Variants in BTBD9 observed in about 807,000 individuals in gnomAD.
The protein encoded by BTBD9 is BTB domain containing 9.
Under a neutral mutation model 64.3 loss-of-function variants are expected in BTBD9, and 49 were observed. The observed-to-expected ratio is 0.76, with a 90% CI of 0.61 to 0.97. The LOEUF (loss-of-function observed/expected upper bound fraction) is 0.97, where lower values mean the gene tolerates loss of function less well. Among genes scored for constraint, BTBD9 ranks in the 50% least tolerant of loss-of-function variants. The pLI is 0.00. For missense variants in BTBD9, 598 were observed against 762.1 expected (o/e 0.78, Z 2.53); for synonymous variants, 260 against 274.7 (o/e 0.95, Z 0.53).
intron 1 of BTBD9, among the ~76,000 whole-genome samples, chr6:38,619,136 C>T (rs1242573007): frequency 6.6e-6 from 1 of 152,182 alleles, no homozygotes; most frequent in African/African-American, 2.4e-5. Context: ...AAATATACTC[C>T]TCTGTCACCT....
At chr6:38,625,874 C>T (rs182613100) in intron 1 of BTBD9, among the ~76,000 whole-genome samples, 36 of 152,324 alleles carry the variant, frequency 2.4e-4, no homozygotes, top group East Asian at 1.9e-3. Flanking sequence ...TAGTACAGTG[C>T]TTCACATGTA....
At chr6:38,198,993 G>A (rs959653510) in intron 9 of BTBD9, among the ~76,000 whole-genome samples, 3 of 152,154 alleles carry the variant, frequency 2.0e-5, no homozygotes, top group Non-Finnish European at 4.4e-5. Flanking sequence ...TGAAGGTGGA[G>A]GTGTGCAGGG....
intron 8 of BTBD9, among the ~76,000 whole-genome samples, chr6:38,268,453 C>T (rs1266618334): frequency 1.3e-5 from 2 of 152,178 alleles, no homozygotes; most frequent in African/African-American, 4.8e-5. Context: ...AGGGAAAGAA[C>T]AGAAGGGCAA....
chr6:38,261,546 C>T, intron 8 of BTBD9, among the ~76,000 whole-genome samples: 1 of 152,262 alleles, frequency 6.6e-6, no homozygotes, highest in South Asian at 2.1e-4. Context: ...TGAGCTTGAA[C>T]ATTTTACCCA....
chr6:38,312,156 C>T (rs1306529323), intron 7 of BTBD9, among the ~76,000 whole-genome samples: 2 of 151,642 alleles, frequency 1.3e-5, no homozygotes, highest in East Asian at 3.9e-4. Context: ...CCACCATGCC[C>T]GGCCAACCTG....
intron 8 of BTBD9, among the ~76,000 whole-genome samples, chr6:38,276,017 T>G (rs944924905): frequency 6.6e-6 from 1 of 152,180 alleles, no homozygotes; most frequent in African/African-American, 2.4e-5. Context: ...CAAAGGACTA[T>G]TAAATCATGC....
At chr6:38,286,784 A>T (rs1018680843) in intron 8 of BTBD9, among the ~76,000 whole-genome samples, 4 of 152,084 alleles carry the variant, frequency 2.6e-5, no homozygotes, top group South Asian at 2.1e-4. Flanking sequence ...TTACTTTATT[A>T]AAAAAATTTA....
intron 6 of BTBD9, among the ~76,000 whole-genome samples, chr6:38,501,349 T>A (rs1026587856): frequency 2.0e-5 from 3 of 152,156 alleles, no homozygotes; most frequent in Admixed American, 2.0e-4. Context: ...GTAGGTATAA[T>A]ACAAATATTC....
chr6:38,473,366 T>A (rs776845017), intron 6 of BTBD9, among the ~76,000 whole-genome samples: 1 of 152,248 alleles, frequency 6.6e-6, no homozygotes, highest in African/African-American at 2.4e-5. Context: ...AGATTGGTAC[T>A]GGCATGCTGA....
At chr6:38,479,213 A>G (rs1239115338) in intron 6 of BTBD9, among the ~76,000 whole-genome samples, 2 of 152,110 alleles carry the variant, frequency 1.3e-5, no homozygotes, top group Non-Finnish European at 2.9e-5. Flanking sequence ...CAGGCGCCCA[A>G]TGTGGAGCAC....
At chr6:38,361,562 TG>T (rs1216471528) in intron 6 of BTBD9, among the ~76,000 whole-genome samples, 1 of 151,540 alleles carries the variant, frequency 6.6e-6, no homozygotes, top group Non-Finnish European at 1.5e-5. Flanking sequence ...AAACAACAGC[TG>T]GGCATAGTGG....
chr6:38,577,478 AT>A, intron 6 of BTBD9, 121 bp downstream of exon 6: 1 of 928,320 alleles, frequency 1.1e-6, no homozygotes, highest in Non-Finnish European at 1.6e-6. Context: ...TACTTGGGAT[AT>A]GTTTAGTAGT....
chr6:38,264,630 G>C (rs1176872787), intron 8 of BTBD9, among the ~76,000 whole-genome samples: 2 of 152,176 alleles, frequency 1.3e-5, no homozygotes, highest in African/African-American at 2.4e-5. Flanking sequence ...GAGAAAGAGG[G>C]ACTTTCCCAA....
chr6:38,443,631 T>C (rs944583631), intron 6 of BTBD9, among the ~76,000 whole-genome samples: 2 of 152,114 alleles, frequency 1.3e-5, no homozygotes, highest in African/African-American at 4.8e-5. Context: ...ACACACTCTC[T>C]TTGTCTCTCT....
chr6:38,394,235 A>G (rs1358466660), intron 6 of BTBD9, among the ~76,000 whole-genome samples: 1 of 152,194 alleles, frequency 6.6e-6, no homozygotes, highest in Non-Finnish European at 1.5e-5. Context: ...TGTAGTAAGT[A>G]CTACGAAAGG....
At chr6:38,317,673 T>C (rs919199917) in intron 7 of BTBD9, among the ~76,000 whole-genome samples, 2 of 152,166 alleles carry the variant, frequency 1.3e-5, no homozygotes, top group African/African-American at 4.8e-5. Context: ...AAGCATTCTT[T>C]CTTCTTTTTT....
At chr6:38,347,620 C>T (rs1764334324) in intron 6 of BTBD9, among the ~76,000 whole-genome samples, 1 of 152,142 alleles carries the variant, frequency 6.6e-6, no homozygotes, top group Admixed American at 6.5e-5. Context: ...TGGACCTTCC[C>T]CATATAAAGA....
At chr6:38,443,908 G>T (rs759823983) in intron 6 of BTBD9, among the ~76,000 whole-genome samples, 1 of 152,110 alleles carries the variant, frequency 6.6e-6, no homozygotes, top group African/African-American at 2.4e-5. Flanking sequence ...AAAACGGAGC[G>T]GTTTTGAAAG....
chr6:38,440,946 A>G (rs926474536), intron 6 of BTBD9, among the ~76,000 whole-genome samples: 1 of 152,224 alleles, frequency 6.6e-6, no homozygotes, highest in African/African-American at 2.4e-5. Context: ...AGTAATTTGC[A>G]CTTATACTTT....
Sources: gnomAD v4.1 joint callset for allele counts (sites outside exome capture counted in the v4.1 genomes callset) on GRCh38, gnomAD v4.1.1 for gene constraint, MANE v1.5 for transcripts, NCBI Gene and HGNC (gene_info 2026-07-23, HGNC 2026-07-21) for gene names.